The following OPCML variants were observed in gnomAD, a reference collection of about 807,000 sequenced individuals.
OPCML encodes the protein opioid binding protein/cell adhesion molecule like, also known as opioid-binding protein/cell adhesion molecule.
Under a neutral mutation model 37.8 loss-of-function variants are expected in OPCML, and 13 were observed. The ratio of observed to expected loss-of-function variants is 0.34; its 90% CI spans 0.22 to 0.55. The LOEUF (loss-of-function observed/expected upper bound fraction) is 0.55, where lower values mean the gene tolerates loss of function less well. OPCML is among the 20% of genes least tolerant of loss of function. The pLI, the probability that OPCML is intolerant of heterozygous loss-of-function variation, is 0.91. For synonymous variants in OPCML, 176 were observed against 168.8 expected (o/e 1.04, Z -0.33); for missense variants, 341 against 435.6 (o/e 0.78, Z 1.93).
intron 1 of OPCML, among the ~76,000 whole-genome samples, chr11:133,344,518 C>T (rs1053105313): frequency 9.9e-5 from 15 of 152,164 alleles, no homozygotes. Context: ...CTTACGGCAT[C>T]ACACCCTTGC....
chr11:133,173,692 A>G lies in OPCML; in HGVS notation c.62-230682T>C, dbSNP rs564603942. Among the ~76,000 whole-genome samples, 23 of 152,332 alleles carry G rather than the reference A, an allele frequency of 1.5e-4. 1 individual carries two copies. In the Middle Eastern group the frequency reaches 0.02, roughly 135 times the overall value. On this transcript the variant is annotated intron_variant, in intron 1 of 7. Coordinates refer to ENST00000524381, the MANE Select transcript of OPCML (RefSeq NM_001012393.5). The surrounding 1 kb of genome is among the most constrained non-coding windows in gnomAD (Gnocchi z 7.8). Reference sequence around the variant, plus strand: ...CTCCCTGCAGATAATAACGAGAACCATCAGCACCGACTTAGCTTCAATCCT... The same window carrying G: ...CTCCCTGCAGATAATAACGAGAACCGTCAGCACCGACTTAGCTTCAATCCT...
intron 1 of OPCML, chr11:133,361,629 T>TCCGGGGCACCTGCAGCTATC (rs1565592935): frequency 0.013 from 2,116 of 161,928 alleles, 57 homozygotes; most frequent in African/African-American, 0.048. Context: ...CTGCAGCTAT[T>TCCGGGGCACCTGCAGCTATC]CCGGGGCACC....
At chr11:132,695,995 C>T (rs1031717423) in intron 2 of OPCML, among the ~76,000 whole-genome samples, 7 of 152,120 alleles carry the variant, frequency 4.6e-5, no homozygotes, top group Admixed American at 4.6e-4. Context: ...GCAACTGCAC[C>T]CACAAGTCAG....
In OPCML at chr11:132,997,053, T is replaced by TCCTCC. The variant is rs566774903; in HGVS notation, c.62-54048_62-54044dup. Among the ~76,000 whole-genome samples the TCCTCC allele has an allele frequency of 3.9e-5, 6 of 152,188 alleles. No homozygotes were observed. In the South Asian group the frequency reaches 1.2e-3, roughly 32 times the overall value. ...CCCAGGTAACTGTCAGCATTGCACATCCTCCGACTGCAGGATTAAAGGAGC... is the reference window on the plus strand; with the variant it reads ...CCCAGGTAACTGTCAGCATTGCACATCCTCCCCTCCGACTGCAGGATTAAAGGAGC... On this transcript the variant is annotated intron_variant, in intron 1 of 7. Coordinates refer to ENST00000524381, the MANE Select transcript of OPCML (RefSeq NM_001012393.5).
At chr11:132,897,644 T>A (rs1320174679) in intron 2 of OPCML, among the ~76,000 whole-genome samples, 1 of 152,180 alleles carries the variant, frequency 6.6e-6, no homozygotes, top group East Asian at 1.9e-4. Context: ...AGTGGACAGC[T>A]GCAGCACCTC....
chr11:133,038,513 C>T (rs867344003), intron 1 of OPCML, among the ~76,000 whole-genome samples: 1 of 152,030 alleles, frequency 6.6e-6, no homozygotes, highest in African/African-American at 2.4e-5. Context: ...TAATTTTTTT[C>T]CTAAATAATG....
chr11:132,487,158 A>T (rs561834540), intron 4 of OPCML, among the ~76,000 whole-genome samples: 1 of 152,204 alleles, frequency 6.6e-6, no homozygotes, highest in Non-Finnish European at 1.5e-5. Flanking sequence ...GAAACAAACA[A>T]CAGTTGCTAC....
chr11:133,194,933 A>G (rs576400333), intron 1 of OPCML, among the ~76,000 whole-genome samples: 1 of 152,280 alleles, frequency 6.6e-6, no homozygotes, highest in South Asian at 2.1e-4. Flanking sequence ...TGCAGCTCGG[A>G]TGTCAACTCC....
chr11:132,936,691 G>A (rs1469057441), intron 2 of OPCML, among the ~76,000 whole-genome samples: 4 of 152,114 alleles, frequency 2.6e-5, no homozygotes, highest in African/African-American at 9.7e-5. Flanking sequence ...GAGCAGCCTA[G>A]ATATCACAGC....
At chr11:132,669,726 A>G (rs938923701) in intron 2 of OPCML, among the ~76,000 whole-genome samples, 6 of 152,226 alleles carry the variant, frequency 3.9e-5, no homozygotes, top group Admixed American at 6.5e-5. Context: ...GGTATAGAAG[A>G]AAAGTGTCTT....
intron 3 of OPCML, among the ~76,000 whole-genome samples, chr11:132,562,836 A>T (rs925367411): frequency 6.6e-6 from 1 of 152,206 alleles, no homozygotes; most frequent in Non-Finnish European, 1.5e-5. Flanking sequence ...AAATTGGCTA[A>T]CATTAAAATA....
At chr11:132,785,700 A>T (rs1196502294) in intron 2 of OPCML, among the ~76,000 whole-genome samples, 2 of 152,200 alleles carry the variant, frequency 1.3e-5, no homozygotes, top group East Asian at 3.9e-4. Context: ...GTGGCTTTGT[A>T]AGGAGCCACG....
chr11:133,061,372 T>C (rs1232181438), intron 1 of OPCML, among the ~76,000 whole-genome samples: 1 of 152,190 alleles, frequency 6.6e-6, no homozygotes, highest in Non-Finnish European at 1.5e-5. Context: ...CTGCAGTGGA[T>C]GTGTTTTGCT....
intron 4 of OPCML, among the ~76,000 whole-genome samples, chr11:132,483,603 C>T (rs541187758): frequency 8.6e-4 from 131 of 152,210 alleles, no homozygotes; most frequent in South Asian, 4.2e-3. Flanking sequence ...GAGCCCGCAT[C>T]GCCAAGTCAG....
intron 1 of OPCML, among the ~76,000 whole-genome samples, chr11:133,476,724 T>C (rs1290254491): frequency 6.6e-6 from 1 of 151,778 alleles, no homozygotes; most frequent in Non-Finnish European, 1.5e-5. Flanking sequence ...ATACCAGGAG[T>C]GTCGAGGAGA....
chr11:132,543,715 A>G (rs1399686379), intron 3 of OPCML, among the ~76,000 whole-genome samples: 2 of 152,150 alleles, frequency 1.3e-5, no homozygotes, highest in Non-Finnish European at 2.9e-5. Flanking sequence ...GTTCTTTATA[A>G]TATAGAAAGT....
At chr11:132,498,528 T>G (rs762634631) in intron 4 of OPCML, among the ~76,000 whole-genome samples, 8 of 152,250 alleles carry the variant, frequency 5.3e-5, no homozygotes, top group Admixed American at 3.3e-4. Flanking sequence ...AAGGAGAGAC[T>G]GTCTAAAACC....
chr11:133,420,661 C>A, intron 1 of OPCML: 14 of 985,340 alleles, frequency 1.4e-5, no homozygotes, highest in Non-Finnish European at 1.7e-5. Flanking sequence ...AGTTTTGATT[C>A]TAATCAGGAA....
At chr11:132,451,489 G>C (rs1370434477) in intron 4 of OPCML, among the ~76,000 whole-genome samples, 3 of 152,138 alleles carry the variant, frequency 2.0e-5, no homozygotes, top group African/African-American at 7.2e-5. Context: ...AGCTGGTCTG[G>C]CTTCTGTGTT....
Sources: allele counts gnomAD v4.1 joint callset (sites outside exome capture counted in the v4.1 genomes callset), GRCh38; gene constraint gnomAD v4.1.1; non-coding constraint Gnocchi (gnomAD v3.1); transcripts MANE v1.5; gene names NCBI Gene and HGNC (gene_info 2026-07-23, HGNC 2026-07-21).